The following SKAP1 variants were observed in gnomAD, a reference collection of about 807,000 sequenced individuals.
SKAP1 encodes src kinase associated phosphoprotein 1, also known as src kinase-associated phosphoprotein 1.
A neutral mutation model predicts 58.5 loss-of-function variants in SKAP1; 44 were observed. That is an observed-to-expected ratio of 0.75 (90% CI 0.59 to 0.97). The LOEUF (loss-of-function observed/expected upper bound fraction) is 0.97, where lower values mean the gene tolerates loss of function less well. Ranked by LOEUF, SKAP1 falls within the 50% of genes least tolerant of loss-of-function variation. The pLI is 0.00. For synonymous variants in SKAP1, 127 were observed against 149.7 expected, an observed-to-expected ratio of 0.85 and a Z score of 1.11; for missense variants, 390 against 435.2, an observed-to-expected ratio of 0.90 and a Z score of 0.92.
chr17:48,155,183 A>G (rs1472383904), intron 11 of SKAP1, among the ~76,000 whole-genome samples: 1 of 151,498 alleles, frequency 6.6e-6, no homozygotes, highest in Non-Finnish European at 1.5e-5. Context: ...ACTGGAGTGC[A>G]ATGGCATGAT....
At position 48,396,783 on chromosome 17, in the gene SKAP1, C is replaced by T. The variant is rs148514032; in HGVS notation, c.49G>A (p.Ala17Thr). Residue 17 changes from alanine (A) to threonine (T), a missense_variant and splice_region_variant, in exon 2 of 13, where the codon GCT (alanine) becomes ACT (threonine). Transcript: ENST00000336915. ...AAACCTTCTGCCAGAAACTCTTCAG[C>T]ATCTAAAAGAAAAGGAAAGTTGATA... ...PEEIRWLLED[A>T]EEFLAEGLRN... 2.5e-6 allele frequency: 4 copies of T among 1,609,464 alleles called. No individual in the cohort carries two copies. In the African/African-American group the frequency reaches 5.4e-5, roughly 22 times the overall value.
intron 4 of SKAP1, among the ~76,000 whole-genome samples, chr17:48,251,110 C>T (rs960972783): frequency 2.6e-5 from 4 of 152,256 alleles, no homozygotes; most frequent in South Asian, 2.1e-4. Flanking sequence ...TATATGTGTG[C>T]GTTAACTGCA....
intron 4 of SKAP1, among the ~76,000 whole-genome samples, chr17:48,252,975 A>T (rs375240621): frequency 6.6e-6 from 1 of 152,162 alleles, no homozygotes; most frequent in Non-Finnish European, 1.5e-5. Context: ...AAAACTGGAT[A>T]CAAATTGTTG....
chr17:48,344,419 C>T (rs1381521947), intron 4 of SKAP1: 1 of 153,474 alleles, frequency 6.5e-6, no homozygotes, highest in East Asian at 1.9e-4. Flanking sequence ...ACATAAGTCA[C>T]ATCTATTTCC....
intron 4 of SKAP1, among the ~76,000 whole-genome samples, chr17:48,336,250 C>G (rs1476457934): frequency 6.6e-6 from 1 of 152,108 alleles, no homozygotes; most frequent in East Asian, 1.9e-4. Flanking sequence ...CAGATGATCA[C>G]CAATACCAAC....
chr17:48,173,491 G>A (rs974189820), intron 9 of SKAP1, among the ~76,000 whole-genome samples: 20 of 152,270 alleles, frequency 1.3e-4, no homozygotes, highest in African/African-American at 4.8e-4. Flanking sequence ...TCTCAGCTAT[G>A]ATGCATTTCT....
intron 6 of SKAP1, among the ~76,000 whole-genome samples, chr17:48,187,555 A>T (rs935894413): frequency 2.6e-5 from 4 of 151,466 alleles, no homozygotes; most frequent in Admixed American, 2.0e-4. Context: ...TATTTTTTTT[A>T]AAAACCAAAA....
chr17:48,155,258 G>C (rs934070169), intron 11 of SKAP1, among the ~76,000 whole-genome samples: 1 of 151,134 alleles, frequency 6.6e-6, no homozygotes, highest in African/African-American at 2.4e-5. Context: ...TTCCCTAGTA[G>C]CTGGGACTAC....
chr17:48,189,160 C>T (rs2064500687), intron 5 of SKAP1, among the ~76,000 whole-genome samples: 1 of 152,220 alleles, frequency 6.6e-6, no homozygotes, highest in African/African-American at 2.4e-5. Flanking sequence ...GCACCTGTCA[C>T]ATACCAGGCA....
intron 2 of SKAP1, among the ~76,000 whole-genome samples, chr17:48,377,948 T>C (rs557015211): frequency 6.6e-6 from 1 of 152,294 alleles, no homozygotes; most frequent in South Asian, 2.1e-4. Context: ...CCCAAACTTC[T>C]CCTACCCCTG....
At chr17:48,164,680 G>T (rs2064112106) in intron 10 of SKAP1, among the ~76,000 whole-genome samples, 1 of 152,190 alleles carries the variant, frequency 6.6e-6, no homozygotes, top group Non-Finnish European at 1.5e-5. Flanking sequence ...CAGAGTTCAG[G>T]AATCCAGGAG....
intron 2 of SKAP1, among the ~76,000 whole-genome samples, chr17:48,392,682 C>A (rs1487983365): frequency 2.0e-5 from 3 of 151,726 alleles, no homozygotes; most frequent in Non-Finnish European, 4.4e-5. Context: ...CATGGTAAAA[C>A]CCCATCTCTA....
chr17:48,263,475 C>T (rs1314523895), intron 4 of SKAP1, among the ~76,000 whole-genome samples: 3 of 152,126 alleles, frequency 2.0e-5, no homozygotes, highest in Non-Finnish European at 4.4e-5. Context: ...TTCTGTATAA[C>T]AATGAGCTTC....
At chr17:48,363,290 T>G (rs1331796631) in intron 3 of SKAP1, among the ~76,000 whole-genome samples, 1 of 152,176 alleles carries the variant, frequency 6.6e-6, no homozygotes, top group African/African-American at 2.4e-5. Flanking sequence ...CATATTAAAA[T>G]GTGATAACAC....
At chr17:48,274,114 C>T (rs1479492744) in intron 4 of SKAP1, among the ~76,000 whole-genome samples, 2 of 152,124 alleles carry the variant, frequency 1.3e-5, no homozygotes, top group East Asian at 1.9e-4. Flanking sequence ...TTAGGCCAAG[C>T]GAGGTGGCTC....
At chr17:48,223,753 TG>T (rs1401762599) in intron 4 of SKAP1, among the ~76,000 whole-genome samples, 4 of 152,070 alleles carry the variant, frequency 2.6e-5, no homozygotes, top group Non-Finnish European at 5.9e-5. Flanking sequence ...ACAGTTTGCT[TG>T]GGGTTATTCA....
At chr17:48,290,701 A>C (rs2144076870) in intron 4 of SKAP1, among the ~76,000 whole-genome samples, 1 of 152,328 alleles carries the variant, frequency 6.6e-6, no homozygotes, top group African/African-American at 2.4e-5. Flanking sequence ...ACATATCTCC[A>C]GTGCCTAGAA....
At chr17:48,207,026 T>C (rs966791469) in intron 4 of SKAP1, among the ~76,000 whole-genome samples, 2 of 152,182 alleles carry the variant, frequency 1.3e-5, no homozygotes, top group African/African-American at 4.8e-5. Context: ...AAATAGTTTT[T>C]CAACCATTTC....
chr17:48,277,668 T>C (rs1318840416), intron 4 of SKAP1, among the ~76,000 whole-genome samples: 1 of 152,236 alleles, frequency 6.6e-6, no homozygotes, highest in East Asian at 1.9e-4. Flanking sequence ...AAAAGGTGTT[T>C]AATCAACTTT....
Sources: gnomAD v4.1 joint callset for allele counts (sites outside exome capture counted in the v4.1 genomes callset) on GRCh38, gnomAD v4.1.1 for gene constraint, MANE v1.5 for transcripts, NCBI Gene and HGNC (gene_info 2026-07-23, HGNC 2026-07-21) for gene names.